EPB41L1: variants seen among roughly 807,000 people sequenced by gnomAD.
EPB41L1 encodes the protein erythrocyte membrane protein band 4.1 like 1.
Under a neutral mutation model 97.8 loss-of-function variants are expected in EPB41L1, and 29 were observed. The ratio of observed to expected loss-of-function variants is 0.30; its 90% CI spans 0.22 to 0.40. The LOEUF is 0.40. Among genes scored for constraint, EPB41L1 ranks in the 10% least tolerant of loss-of-function variants. The pLI, the probability that EPB41L1 is intolerant of heterozygous loss-of-function variation, is 1.00. For synonymous variants in EPB41L1, 383 were observed against 459.2 expected, an observed-to-expected ratio of 0.83 and a Z score of 2.12; for missense variants, 812 against 1,162.3, an observed-to-expected ratio of 0.70 and a Z score of 4.38.
intron 1 of EPB41L1, among the ~76,000 whole-genome samples, chr20:36,165,215 C>T (rs1034391231): frequency 4.6e-5 from 7 of 151,888 alleles, no homozygotes; most frequent in Non-Finnish European, 7.4e-5. Flanking sequence ...CTCCTGGCCT[C>T]AAGTGATTTG....
chr20:36,160,023 A>T (rs1284318590), intron 1 of EPB41L1, among the ~76,000 whole-genome samples: 2 of 152,216 alleles, frequency 1.3e-5, no homozygotes, highest in Non-Finnish European at 2.9e-5. Flanking sequence ...AGTGGAGATG[A>T]TGATGATGTC....
chr20:36,168,305 C>T lies in EPB41L1; in HGVS notation c.-14-5459C>T, dbSNP rs554172175. ...GCGCTGTCAGCATTTACTTCTCTGG[C>T]TGACCTTTCTCTTTTCTAATCCTGT... On this transcript the variant is annotated intron_variant, in intron 1 of 21. Coordinates refer to ENST00000338074, the MANE Select transcript of EPB41L1 (RefSeq NM_012156.2). Among the ~76,000 whole-genome samples, 16 of 152,352 alleles carry T rather than the reference C, an allele frequency of 1.1e-4. No individual in the cohort carries two copies. In the South Asian group the frequency reaches 2.1e-3, roughly 20 times the overall value.
chr20:36,132,253 G>A (rs1432275905), intron 2 of EPB41L1, among the ~76,000 whole-genome samples: 1 of 152,030 alleles, frequency 6.6e-6, no homozygotes, highest in Non-Finnish European at 1.5e-5. Flanking sequence ...TCAGGGTGTT[G>A]GCAGAGCTGC....
chr20:36,116,524 G>A (rs987586819), intron 2 of EPB41L1, among the ~76,000 whole-genome samples: 1 of 152,184 alleles, frequency 6.6e-6, no homozygotes, highest in African/African-American at 2.4e-5. Flanking sequence ...CAAGGCACCT[G>A]GGCACCAACA....
chr20:36,144,563 A>T (rs930057113), intron 2 of EPB41L1, among the ~76,000 whole-genome samples: 1 of 152,102 alleles, frequency 6.6e-6, no homozygotes, highest in Non-Finnish European at 1.5e-5. Context: ...TGACATTCTT[A>T]TCCTGGTGGG....
At chr20:36,171,181 A>G (rs926358674) in intron 1 of EPB41L1, among the ~76,000 whole-genome samples, 1 of 151,486 alleles carries the variant, frequency 6.6e-6, no homozygotes, top group Non-Finnish European at 1.5e-5. Flanking sequence ...AGTTATTTTA[A>G]GGGTTCTTGC....
intron 21 of EPB41L1, among the ~76,000 whole-genome samples, chr20:36,225,980 GGTT>G (rs2064127633): frequency 6.6e-6 from 1 of 152,084 alleles, no homozygotes; most frequent in African/African-American, 2.4e-5. Flanking sequence ...CTCTCTTCTG[GGTT>G]GTTCTGTAAA....
chr20:36,185,668 T>C (rs1323010278), intron 7 of EPB41L1, among the ~76,000 whole-genome samples: 2 of 152,172 alleles, frequency 1.3e-5, no homozygotes, highest in African/African-American at 4.8e-5. Flanking sequence ...CATGTCTAGA[T>C]CTTGGTGTAG....
At chr20:36,119,297 T>G (rs1360961433) in intron 2 of EPB41L1, among the ~76,000 whole-genome samples, 2 of 152,306 alleles carry the variant, frequency 1.3e-5, no homozygotes, top group Admixed American at 1.3e-4. Context: ...ATCAGAAAGA[T>G]GGCCAAAAGA....
chr20:36,097,026 G>A (rs1438158921), intron 1 of EPB41L1, among the ~76,000 whole-genome samples: 4 of 152,246 alleles, frequency 2.6e-5, no homozygotes, highest in Non-Finnish European at 5.9e-5. Flanking sequence ...CCCATGCTGG[G>A]CTCTGCTCTA....
At chr20:36,116,629 C>T (rs1161191719) in intron 2 of EPB41L1, among the ~76,000 whole-genome samples, 1 of 152,184 alleles carries the variant, frequency 6.6e-6, no homozygotes, top group Non-Finnish European at 1.5e-5. Context: ...CAGCACAGTG[C>T]TCCAGGCACC....
Position 36,214,370 on chromosome 20 carries a change from G to C in EPB41L1, c.2198G>C (p.Ser733Thr). 1 of 1,613,804 alleles carries C rather than the reference G, an allele frequency of 6.2e-7. No individual in the cohort carries two copies. ...TCCTCTGGTCAGCAGGTTGATGGGA[G>C]TGCCTCAGTGGGGAGGGAGTTCATA... ...AMDNTQQVDG[S>T]ASVGREFIAT... Residue 733 changes from serine (S) to threonine (T), a missense_variant, in exon 17 of 22, where the codon AGT becomes ACT. Physicochemically the swap from Ser to Thr is moderately conservative, Grantham distance 58. Transcript: ENST00000338074.
Position 36,228,788 on chromosome 20 carries a change from G to A in EPB41L1, c.2638-544G>A, listed in dbSNP as rs149770652. Among the ~76,000 whole-genome samples the A allele has an allele frequency of 9.9e-5, 15 of 152,026 alleles. No homozygotes were observed. In the East Asian group the frequency reaches 2.1e-3, roughly 22 times the overall value. On this transcript the variant is annotated intron_variant, in intron 21 of 21. Transcript: ENST00000338074. ...AATCTCCAGGACACAGCAAGCCCAC[G>A]GACAACAGAAAGGAAAACCAAATGA...
intron 2 of EPB41L1, among the ~76,000 whole-genome samples, chr20:36,134,852 CTTTTTTTTTTTT>C (rs764236552): frequency 1.5e-4 from 16 of 107,628 alleles, no homozygotes; most frequent in South Asian, 3.0e-4. Flanking sequence ...TTTTCTCTGT[CTTTTTTTTTTTT>C]TTTTTTTTTT....
At chr20:36,143,630 T>C (rs2059726439) in intron 2 of EPB41L1, among the ~76,000 whole-genome samples, 1 of 152,136 alleles carries the variant, frequency 6.6e-6, no homozygotes, top group Non-Finnish European at 1.5e-5. Flanking sequence ...ATTATCTATC[T>C]ATCACTCAGG....
chr20:36,129,848 T>C (rs2059123387), intron 2 of EPB41L1, among the ~76,000 whole-genome samples: 1 of 151,968 alleles, frequency 6.6e-6, no homozygotes, highest in Non-Finnish European at 1.5e-5. Context: ...AATCACAGCC[T>C]CAAACTCTTT....
chr20:36,160,043 T>A lies in EPB41L1; in HGVS notation c.-15+5147T>A, dbSNP rs2060466674. On this transcript the variant is annotated intron_variant, in intron 1 of 21. Transcript: ENST00000338074. ...AGATGATGATGATGTCATGATGTGA[T>A]GTCATTAATGGTCTGATACAATTAA... Among the ~76,000 whole-genome samples, 3 of 152,198 alleles carry A rather than the reference T, an allele frequency of 2.0e-5. 1 individual carries two copies. Among genetic ancestry groups the A allele is most frequent in the Admixed American group, 2.0e-4 (3 of 15,282 alleles).
At chr20:36,137,649 T>C (rs562046164) in intron 2 of EPB41L1, among the ~76,000 whole-genome samples, 18 of 152,118 alleles carry the variant, frequency 1.2e-4, no homozygotes, top group Non-Finnish European at 1.8e-4. Context: ...CTCAGCCTCC[T>C]GAGTAGCTGG....
rs140185179 is a variant in EPB41L1 at position 36,213,035 on chromosome 20, TG to T, written c.2184+661del. ...ATTGAGGATCTGATAGATGCCCTCC[TG>T]GTTTTTCCTGGCCAGAAGAGCTACA... On this transcript the variant is annotated intron_variant, in intron 16 of 21. Coordinates refer to ENST00000338074, the MANE Select transcript of EPB41L1 (RefSeq NM_012156.2). Among the ~76,000 whole-genome samples, 1,137 of 152,332 alleles carry T rather than the reference TG, an allele frequency of 7.5e-3. 12 individuals carry two copies. The highest frequency in any genetic ancestry group is 0.026 in the African/African-American group (1,081 of 41,570).
Sources: allele counts gnomAD v4.1 joint callset (sites outside exome capture counted in the v4.1 genomes callset), GRCh38; gene constraint gnomAD v4.1.1; transcripts MANE v1.5; gene names NCBI Gene and HGNC (gene_info 2026-07-23, HGNC 2026-07-21).